Variants in RIC8B observed in about 807,000 individuals in gnomAD.
The protein encoded by RIC8B is chaperone Ric-8B.
A neutral mutation model predicts 57.5 loss-of-function variants in RIC8B; 16 were observed. The ratio of observed to expected loss-of-function variants is 0.28; its 90% CI spans 0.19 to 0.42. The LOEUF is 0.42. RIC8B is among the 10% of genes least tolerant of loss of function. The probability of loss-of-function intolerance (pLI) is 1.00; values close to 1 mark genes in which losing one functional copy is unlikely to be tolerated. For missense variants in RIC8B, 481 were observed against 677.0 expected, an observed-to-expected ratio of 0.71 and a Z score of 3.21; for synonymous variants, 216 against 250.8, an observed-to-expected ratio of 0.86 and a Z score of 1.31.
At chr12:106,842,434 T>A (rs550697633) in intron 4 of RIC8B, among the ~76,000 whole-genome samples, 155 bp from the exon 5 acceptor site, 1 of 152,218 alleles carries the variant, frequency 6.6e-6, no homozygotes, top group African/African-American at 2.4e-5. Context: ...ATTTCCTATC[T>A]CATAGTAAGT....
chr12:106,887,520 G>A lies in RIC8B; in HGVS notation c.*1505G>A, dbSNP rs1951230766. The A allele has an allele frequency of 6.6e-6, 1 of 152,184 alleles. No homozygotes were observed. The highest frequency in any genetic ancestry group is 2.4e-5 in the African/African-American group (1 of 41,434). The allele number at this position is 152,184 out of a possible 1,614,324, so 9.4% of individuals were successfully genotyped here. A position where few individuals can be genotyped will look rare whatever the true frequency, so the allele number is the denominator to read the frequency against. ...AGGCCTTTCAGCTGCCAGAGGAGAT[G>A]TCACAAAGTTTCTTGCAACTTACTT... is the stretch of plus-strand genomic sequence containing the variant. On this transcript the variant is annotated 3_prime_UTR_variant, in exon 10 of 10. Coordinates refer to ENST00000392837, the MANE Select transcript of RIC8B (RefSeq NM_001330145.2).
At chr12:106,816,026 C>CTAAA (rs1217123090) in intron 3 of RIC8B, among the ~76,000 whole-genome samples, 1 of 152,122 alleles carries the variant, frequency 6.6e-6, no homozygotes, top group East Asian at 1.9e-4. Context: ...GAACAATATG[C>CTAAA]TAAATAGGAA....
intron 7 of RIC8B, among the ~76,000 whole-genome samples, chr12:106,857,678 A>G (rs1949763624): frequency 6.6e-6 from 1 of 152,138 alleles, no homozygotes; most frequent in African/African-American, 2.4e-5. Context: ...TTTTGTTTGC[A>G]CTAGCAGCTC....
intron 8 of RIC8B, among the ~76,000 whole-genome samples, chr12:106,862,006 A>T (rs879530417): frequency 2.0e-5 from 3 of 152,118 alleles, no homozygotes; most frequent in African/African-American, 7.2e-5. Flanking sequence ...TACTATAACA[A>T]TAGGAAAATA....
chr12:106,860,508 T>C, intron 8 of RIC8B, 96 bp downstream of exon 8: 1 of 1,029,116 alleles, frequency 9.7e-7, no homozygotes, highest in African/African-American at 1.7e-5. Context: ...TTTTCTCTTG[T>C]GGATTTGGAA....
chr12:106,816,313 A>G (rs1162547530), intron 3 of RIC8B, among the ~76,000 whole-genome samples: 1 of 152,194 alleles, frequency 6.6e-6, no homozygotes, highest in Non-Finnish European at 1.5e-5. Context: ...ATCTCAGTGC[A>G]TTGTTATAGG....
At chr12:106,813,837 G>C (rs1449542849) in intron 2 of RIC8B, among the ~76,000 whole-genome samples, 1 of 152,156 alleles carries the variant, frequency 6.6e-6, no homozygotes, top group East Asian at 1.9e-4. Context: ...GGGTAAGCTT[G>C]AGAGACCCAG....
intron 1 of RIC8B, among the ~76,000 whole-genome samples, chr12:106,776,170 G>T (rs2043472409): frequency 6.6e-6 from 1 of 152,160 alleles, no homozygotes; most frequent in Non-Finnish European, 1.5e-5. Context: ...AGTCCAGCGA[G>T]CGCTCTTTCT....
chr12:106,882,024 C>T (rs751825942), intron 9 of RIC8B, among the ~76,000 whole-genome samples: 1 of 152,166 alleles, frequency 6.6e-6, no homozygotes, highest in Non-Finnish European at 1.5e-5. Context: ...ATCTGCTGTT[C>T]TGTAACTCTT....
intron 6 of RIC8B, among the ~76,000 whole-genome samples, chr12:106,850,809 T>TA: frequency 6.6e-6 from 1 of 152,266 alleles, no homozygotes; most frequent in East Asian, 1.9e-4. Context: ...TGAGTGTCCC[T>TA]ATGTAGAAGT....
intron 2 of RIC8B, among the ~76,000 whole-genome samples, chr12:106,810,450 A>C (rs1362518731): frequency 6.6e-6 from 1 of 152,202 alleles, no homozygotes; most frequent in Non-Finnish European, 1.5e-5. Flanking sequence ...AACTCATAAA[A>C]AGAAAACTGA....
intron 2 of RIC8B, 45 bp downstream of exon 2, chr12:106,784,089 T>C: frequency 6.6e-7 from 1 of 1,516,646 alleles, no homozygotes; most frequent in Middle Eastern, 1.7e-4. Flanking sequence ...GTGTGTGTAT[T>C]GCATTCATGG....
chr12:106,835,601 CA>C (rs1191179576), intron 4 of RIC8B, among the ~76,000 whole-genome samples: 1 of 152,154 alleles, frequency 6.6e-6, no homozygotes, highest in East Asian at 1.9e-4. Context: ...AATTCAAACC[CA>C]GTGCTTTACT....
intron 9 of RIC8B, among the ~76,000 whole-genome samples, chr12:106,882,662 T>C (rs974620434): frequency 6.6e-6 from 1 of 152,160 alleles, no homozygotes; most frequent in Non-Finnish European, 1.5e-5. Context: ...CAGATCTTTT[T>C]TTTCTTTCCA....
intron 4 of RIC8B, among the ~76,000 whole-genome samples, chr12:106,838,778 A>G (rs891768756): frequency 6.6e-6 from 1 of 152,102 alleles, no homozygotes; most frequent in African/African-American, 2.4e-5. Context: ...TTCAATCCAT[A>G]TACCTCAAGA....
intron 7 of RIC8B, among the ~76,000 whole-genome samples, chr12:106,857,528 A>C: frequency 6.6e-6 from 1 of 152,150 alleles, no homozygotes; most frequent in Non-Finnish European, 1.5e-5. Flanking sequence ...ATAGTGGTGA[A>C]ATATTTCTCG....
intron 2 of RIC8B, among the ~76,000 whole-genome samples, chr12:106,811,341 T>C (rs187622793): frequency 6.6e-6 from 1 of 152,364 alleles, no homozygotes; most frequent in Admixed American, 6.5e-5. Flanking sequence ...ATTCTCACAT[T>C]GTGGATTCTG....
chr12:106,841,837 AT>A (rs1948961967), intron 4 of RIC8B, among the ~76,000 whole-genome samples: 1 of 152,144 alleles, frequency 6.6e-6, no homozygotes, highest in Non-Finnish European at 1.5e-5. Flanking sequence ...TGTCATTTTA[AT>A]CTTTTGTACA....
intron 2 of RIC8B, among the ~76,000 whole-genome samples, chr12:106,786,820 G>T (rs1352182244): frequency 6.6e-6 from 1 of 151,742 alleles, no homozygotes; most frequent in Admixed American, 6.6e-5. Context: ...GTGTTAAAAA[G>T]AACATGTTGT....
Sources: allele counts gnomAD v4.1 joint callset (sites outside exome capture counted in the v4.1 genomes callset), GRCh38; gene constraint gnomAD v4.1.1; transcripts MANE v1.5; gene names NCBI Gene and HGNC (gene_info 2026-07-23, HGNC 2026-07-21).